Variants in FHIT observed in about 807,000 individuals in gnomAD.
FHIT encodes fragile histidine triad diadenosine triphosphatase.
In FHIT, 19 loss-of-function variants were observed where a neutral mutation model predicts 17.9. That is an observed-to-expected ratio of 1.06 (90% CI 0.74 to 1.56). The LOEUF is 1.56. Ranked by LOEUF, FHIT falls within the 40% of genes most tolerant of loss-of-function variation. FHIT has a pLI of 0.00. For synonymous variants in FHIT, 81 were observed against 69.7 expected, an observed-to-expected ratio of 1.16 and a Z score of -0.81; for missense variants, 248 against 189.2, an observed-to-expected ratio of 1.31 and a Z score of -1.82.
intron 5 of FHIT, among the ~76,000 whole-genome samples, chr3:60,447,946 G>A (rs927639742): frequency 4.6e-5 from 7 of 152,150 alleles, no homozygotes; most frequent in African/African-American, 1.7e-4. Context: ...ACCTGCAGAA[G>A]AAAGTAAAAG....
chr3:60,813,607 T>C (rs888693715), intron 4 of FHIT, among the ~76,000 whole-genome samples: 3 of 152,206 alleles, frequency 2.0e-5, no homozygotes, highest in Non-Finnish European at 4.4e-5. Context: ...GAGATCTCTA[T>C]ACTCTCCAAT....
chr3:59,862,459 G>A (rs1702449311), intron 8 of FHIT, among the ~76,000 whole-genome samples: 1 of 152,182 alleles, frequency 6.6e-6, no homozygotes, highest in Non-Finnish European at 1.5e-5. Context: ...AGCCAGCTAA[G>A]ACCAATGACC....
chr3:60,979,708 T>G (rs1043363985), intron 3 of FHIT, among the ~76,000 whole-genome samples: 1 of 152,194 alleles, frequency 6.6e-6, no homozygotes, highest in Admixed American at 6.5e-5. Flanking sequence ...TGCCAACTCA[T>G]GACAAGAATC....
intron 4 of FHIT, among the ~76,000 whole-genome samples, chr3:60,675,973 G>T (rs2040613005): frequency 6.6e-6 from 1 of 152,034 alleles, no homozygotes; most frequent in African/African-American, 2.4e-5. Context: ...ACAATGCCTG[G>T]CTAGAGCCTT....
chr3:60,857,355 G>T (rs1304156265), intron 3 of FHIT, among the ~76,000 whole-genome samples: 1 of 152,138 alleles, frequency 6.6e-6, no homozygotes, highest in African/African-American at 2.4e-5. Context: ...TTGTACAACT[G>T]AGTTTAGAGC....
intron 5 of FHIT, among the ~76,000 whole-genome samples, chr3:60,029,660 A>G (rs892282252): frequency 6.6e-6 from 1 of 152,156 alleles, no homozygotes; most frequent in Non-Finnish European, 1.5e-5. Context: ...AAAGAAAATG[A>G]TATTTATTGA....
At chr3:60,520,469 A>G (rs918979192) in intron 5 of FHIT, among the ~76,000 whole-genome samples, 1 of 152,172 alleles carries the variant, frequency 6.6e-6, no homozygotes, top group South Asian at 2.1e-4. Context: ...TTTTAAAAAG[A>G]AACAGTAGTG....
intron 4 of FHIT, among the ~76,000 whole-genome samples, chr3:60,635,023 A>C (rs1553683413): frequency 6.6e-6 from 1 of 152,130 alleles, no homozygotes; most frequent in Non-Finnish European, 1.5e-5. Flanking sequence ...TGCATGCCCC[A>C]CTGCGCCCAG....
chr3:59,987,229 C>G (rs1709024100), intron 7 of FHIT, among the ~76,000 whole-genome samples: 2 of 149,576 alleles, frequency 1.3e-5, no homozygotes, highest in Admixed American at 1.3e-4. Flanking sequence ...TTTAGGACTG[C>G]TTTTCCTGAA....
chr3:61,211,440 C>T (rs901967319), intron 1 of FHIT, among the ~76,000 whole-genome samples: 4 of 152,306 alleles, frequency 2.6e-5, no homozygotes, highest in East Asian at 1.9e-4. Flanking sequence ...AAGGCAGCAG[C>T]GAGGCTGGGG....
chr3:60,594,295 C>A lies in FHIT; in HGVS notation c.-17-57316G>T, dbSNP rs114659886. Among the ~76,000 whole-genome samples, 490 of 152,190 alleles carry A rather than the reference C, an allele frequency of 3.2e-3. 1 individual carries two copies. The highest frequency in any genetic ancestry group is 5.9e-3 in the Non-Finnish European group (401 of 67,988). The stretch of plus-strand genomic sequence containing the variant: ...ATATAGTACACACATACAGCGAACA[C>A]AACCATTGTAACTCTAGCCCATGGG... On this transcript the variant is annotated intron_variant, in intron 4 of 9. Coordinates refer to ENST00000492590, the MANE Select transcript of FHIT (RefSeq NM_002012.4).
At chr3:60,870,323 A>G (rs782369108) in intron 3 of FHIT, among the ~76,000 whole-genome samples, 1 of 152,184 alleles carries the variant, frequency 6.6e-6, no homozygotes, top group Non-Finnish European at 1.5e-5. Context: ...TAACATGTTT[A>G]TGGGTAGAAA....
At chr3:60,280,031 CAAA>C (rs34574670) in intron 5 of FHIT, among the ~76,000 whole-genome samples, 32,032 of 117,458 alleles carry the variant, frequency 0.27, 3,959 homozygotes, top group East Asian at 0.69. Flanking sequence ...GACTCTGTCT[CAAA>C]AAAAAAAAAA....
At chr3:60,915,689 G>A (rs1305993027) in intron 3 of FHIT, among the ~76,000 whole-genome samples, 1 of 152,112 alleles carries the variant, frequency 6.6e-6, no homozygotes, top group Non-Finnish European at 1.5e-5. Context: ...CATAAAAGGT[G>A]TTCTAAAAGA....
intron 5 of FHIT, among the ~76,000 whole-genome samples, chr3:60,163,408 C>T (rs560245263): frequency 1.3e-5 from 2 of 152,176 alleles, no homozygotes; most frequent in Admixed American, 1.3e-4. Context: ...CATATAAGGC[C>T]CTGGGTAGTC....
chr3:61,006,540 A>T (rs187849233), intron 3 of FHIT, among the ~76,000 whole-genome samples: 1 of 152,002 alleles, frequency 6.6e-6, no homozygotes, highest in Non-Finnish European at 1.5e-5. Flanking sequence ...TTCCTTTCTG[A>T]AAAAAAAGTA....
chr3:60,487,954 T>C (rs1280660580), intron 5 of FHIT, among the ~76,000 whole-genome samples: 1 of 152,190 alleles, frequency 6.6e-6, no homozygotes, highest in Non-Finnish European at 1.5e-5. Flanking sequence ...TAAGTACCTG[T>C]TATAAATGCC....
At position 61,211,448 on chromosome 3, in the gene FHIT, G is replaced by C. The variant is rs1032337994; in HGVS notation, c.-212-10783C>G. Among the ~76,000 whole-genome samples, 4 of 152,360 alleles carry C rather than the reference G, an allele frequency of 2.6e-5. 1 individual carries two copies. In the South Asian group the frequency reaches 8.3e-4, roughly 32 times the overall value. On this transcript the variant is annotated intron_variant, in intron 1 of 9. Coordinates refer to ENST00000492590, the MANE Select transcript of FHIT (RefSeq NM_002012.4). ...AAACTGCAAGGCAGCAGCGAGGCTG[G>C]GGGAGGGGCGCCCGCCATTGCCCAG...
chr3:60,090,790 G>A (rs1403711361), intron 5 of FHIT, among the ~76,000 whole-genome samples: 3 of 152,172 alleles, frequency 2.0e-5, no homozygotes, highest in Non-Finnish European at 4.4e-5. Context: ...TACATCTAAG[G>A]AGACAAGTGT....
Sources: gnomAD v4.1 joint callset for allele counts (sites outside exome capture counted in the v4.1 genomes callset) on GRCh38, gnomAD v4.1.1 for gene constraint, MANE v1.5 for transcripts, NCBI Gene and HGNC (gene_info 2026-07-23, HGNC 2026-07-21) for gene names.